Variants in NBAS observed in about 807,000 individuals in gnomAD.
NBAS encodes the protein NAG/BC035112 fusion.
A neutral mutation model predicts 302.5 loss-of-function variants in NBAS; 219 were observed. The ratio of observed to expected loss-of-function variants is 0.72; its 90% confidence interval spans 0.65 to 0.81. The LOEUF is 0.81. NBAS is among the 30% of genes least tolerant of loss of function. The probability of loss-of-function intolerance (pLI) is 0.00; values close to 1 mark genes in which losing one functional copy is unlikely to be tolerated. For synonymous variants in NBAS, 1,118 were observed against 1,021.6 expected (o/e 1.09, Z -1.80); for missense variants, 2,932 against 2,841.6 (o/e 1.03, Z -0.72).
intron 2 of NBAS, 53 bp from the exon 3 acceptor site, chr2:15,556,872 T>C: frequency 1.4e-6 from 2 of 1,400,000 alleles, no homozygotes; most frequent in Non-Finnish European, 2.0e-6. Context: ...TTAAGAATCA[T>C]TTTCAAATTA....
chr2:15,314,246 C>T (rs1671406950), intron 38 of NBAS, among the ~76,000 whole-genome samples: 1 of 152,256 alleles, frequency 6.6e-6, no homozygotes, highest in Admixed American at 6.5e-5. Flanking sequence ...GTCCCAGCTA[C>T]TCAGGAGGCT....
At chr2:14,905,015 C>A in the NBAS span, among the ~76,000 whole-genome samples, 1 of 152,312 alleles carries the variant, frequency 6.6e-6, no homozygotes, top group Admixed American at 6.5e-5. Flanking sequence ...CCACCGCACT[C>A]CAGCCTGGGC....
At chr2:14,958,040 C>G in the NBAS span, among the ~76,000 whole-genome samples, 1 of 152,220 alleles carries the variant, frequency 6.6e-6, no homozygotes, top group Non-Finnish European at 1.5e-5. Context: ...GGCCCTCTGA[C>G]AGATGTGTGC....
the NBAS span, among the ~76,000 whole-genome samples, chr2:14,902,542 T>C: frequency 1.3e-5 from 2 of 152,192 alleles, no homozygotes; most frequent in African/African-American, 4.8e-5. Context: ...TGTAGACCCA[T>C]GTGTAGAATA....
At chr2:14,809,912 G>A in the NBAS span, among the ~76,000 whole-genome samples, 57 of 152,308 alleles carry the variant, frequency 3.7e-4, 1 homozygote, top group East Asian at 4.1e-3. Context: ...TGTGAGACAC[G>A]GAGCCAAACG....
the NBAS span, among the ~76,000 whole-genome samples, chr2:14,842,269 A>C: frequency 1.3e-5 from 2 of 151,996 alleles, no homozygotes; most frequent in South Asian, 2.1e-4. Context: ...GATGCACCTC[A>C]AGGAACAAGC....
the NBAS span, among the ~76,000 whole-genome samples, chr2:15,116,541 C>T: frequency 0.91 from 138,116 of 152,220 alleles, 62,780 homozygotes; most frequent in South Asian, 0.95. Context: ...TTAAAGGTCC[C>T]ATATCCAAAT....
At position 15,380,411 on chromosome 2, in the gene NBAS, AATACAATAC is replaced by A. The variant is rs900773812; in HGVS notation, c.3361-589_3361-581del. On this transcript the variant is annotated intron_variant, in intron 29 of 51. Transcript: ENST00000281513. ...TAATTTCTTAAAAGAAAAATCTTTG[AATACAATAC>A]ATATAATTCATAACTGCTTGAAGCA... 9.7e-3 allele frequency among the ~76,000 whole-genome samples: 1,472 copies of A among 152,288 alleles called. 18 individuals carry two copies. Among genetic ancestry groups the A allele is most frequent in the African/African-American group, 0.034 (1,393 of 41,534 alleles).
chr2:15,050,923 G>A, the NBAS span, among the ~76,000 whole-genome samples: 1 of 152,014 alleles, frequency 6.6e-6, no homozygotes, highest in African/African-American at 2.4e-5. Context: ...GCAAGGAAAG[G>A]GGACTGGGGG....
chr2:15,463,596 T>G (rs1360172611), intron 19 of NBAS, among the ~76,000 whole-genome samples: 1 of 151,998 alleles, frequency 6.6e-6, no homozygotes, highest in African/African-American at 2.4e-5. Context: ...TTAAAAGGGT[T>G]TCTTAATCCC....
At chr2:15,471,063 A>T (rs1679938248) in intron 16 of NBAS, among the ~76,000 whole-genome samples, 1 of 152,218 alleles carries the variant, frequency 6.6e-6, no homozygotes, top group South Asian at 2.1e-4. Flanking sequence ...TCTTGCTCTT[A>T]ACTGTCTATT....
intron 35 of NBAS, among the ~76,000 whole-genome samples, chr2:15,346,025 T>C (rs1442193355): frequency 1.3e-5 from 2 of 152,136 alleles, no homozygotes; most frequent in South Asian, 2.1e-4. Context: ...ATTAAAGACT[T>C]AAATGTAAAA....
intron 19 of NBAS, among the ~76,000 whole-genome samples, chr2:15,463,438 A>C (rs1044283522): frequency 1.3e-5 from 2 of 152,026 alleles, no homozygotes; most frequent in Non-Finnish European, 1.5e-5. Context: ...CACCGCTCCT[A>C]ATCTTCCTAG....
At chr2:15,317,667 T>C (rs1279252907) in intron 38 of NBAS, among the ~76,000 whole-genome samples, 4 of 151,876 alleles carry the variant, frequency 2.6e-5, no homozygotes, top group Non-Finnish European at 4.4e-5. Flanking sequence ...ATCAAATTAA[T>C]GAAATAAAGC....
At chr2:14,810,299 C>T in the NBAS span, among the ~76,000 whole-genome samples, 3 of 152,124 alleles carry the variant, frequency 2.0e-5, no homozygotes, top group East Asian at 5.8e-4. Context: ...CTTGAATTCC[C>T]ATGTGTTGTG....
intron 20 of NBAS, among the ~76,000 whole-genome samples, 163 bp from the exon 21 acceptor site, chr2:15,461,500 G>A (rs973130916): frequency 1.3e-5 from 2 of 151,958 alleles, no homozygotes; most frequent in South Asian, 2.1e-4. Flanking sequence ...CTCAATCTAA[G>A]GCTATGAAAA....
intron 11 of NBAS, among the ~76,000 whole-genome samples, chr2:15,496,491 T>A (rs1252196009): frequency 6.6e-6 from 1 of 152,192 alleles, no homozygotes; most frequent in African/African-American, 2.4e-5. Flanking sequence ...AATATTTCAA[T>A]AAAGCTGTCC....
chr2:15,495,285 G>A (rs1681023134), intron 11 of NBAS, among the ~76,000 whole-genome samples: 1 of 152,044 alleles, frequency 6.6e-6, no homozygotes, highest in Non-Finnish European at 1.5e-5. Flanking sequence ...GATAAAAGAA[G>A]GCACTACCAC....
In NBAS at chr2:15,236,484, G is replaced by A. The variant is rs1397835318; in HGVS notation, c.5944-1737C>T. On this transcript the variant is annotated intron_variant, in intron 45 of 51. Coordinates refer to ENST00000281513, the MANE Select transcript of NBAS (RefSeq NM_015909.4). ...GGATTGCTTGAGCCCAGGAGGTAGAGGCTGCAGTGAGTGAGCCTGGGCAAC... is the reference window on the plus strand; with the variant it reads ...GGATTGCTTGAGCCCAGGAGGTAGAAGCTGCAGTGAGTGAGCCTGGGCAAC... Among the ~76,000 whole-genome samples the A allele has an allele frequency of 4.3e-5, 6 of 138,268 alleles. No individual in the cohort carries two copies. The Admixed American group carries it at 4.6e-4, about 11-fold the overall frequency. The allele number at this position is 138,268 out of a possible 152,430, so 90.7% of individuals were successfully genotyped here.
Sources: gnomAD v4.1 joint callset for allele counts (sites outside exome capture counted in the v4.1 genomes callset) on GRCh38, gnomAD v4.1.1 for gene constraint, MANE v1.5 for transcripts, NCBI Gene and HGNC (gene_info 2026-07-23, HGNC 2026-07-21) for gene names.